The following KSR2 variants were observed in gnomAD, a reference collection of about 807,000 sequenced individuals.
The protein encoded by KSR2 is kinase suppressor of ras 2.
In KSR2, 25 loss-of-function variants were observed where a neutral mutation model predicts 107.8. The ratio of observed to expected loss-of-function variants is 0.23; its 90% CI spans 0.17 to 0.32. The LOEUF (loss-of-function observed/expected upper bound fraction) is 0.32. Ranked by LOEUF, KSR2 falls within the 10% of genes least tolerant of loss-of-function variation. The probability of loss-of-function intolerance (pLI) is 1.00; values close to 1 mark genes in which losing one functional copy is unlikely to be tolerated. For missense variants in KSR2, 887 were observed against 1,268.9 expected (o/e 0.70, Z 4.57); for synonymous variants, 480 against 507.0 (o/e 0.95, Z 0.71).
chr12:117,636,568 G>T (rs1462557511), intron 5 of KSR2, among the ~76,000 whole-genome samples: 4 of 152,132 alleles, frequency 2.6e-5, no homozygotes, highest in Admixed American at 2.6e-4. Context: ...GTAGAGGAAG[G>T]AAGGTTATTC....
chr12:117,581,368 C>G (rs1387379513), intron 6 of KSR2, among the ~76,000 whole-genome samples: 1 of 152,162 alleles, frequency 6.6e-6, no homozygotes, highest in Non-Finnish European at 1.5e-5. Context: ...GTCAGAGCTG[C>G]AACCATGGCA....
At chr12:117,678,810 G>C (rs1885248886) in intron 4 of KSR2, among the ~76,000 whole-genome samples, 1 of 152,240 alleles carries the variant, frequency 6.6e-6, no homozygotes, top group South Asian at 2.1e-4. Flanking sequence ...CTGGATGATG[G>C]TCCTGCTCCC....
chr12:117,789,609 T>C (rs1446978881), intron 3 of KSR2, among the ~76,000 whole-genome samples: 1 of 152,196 alleles, frequency 6.6e-6, no homozygotes, highest in African/African-American at 2.4e-5. Context: ...CACGTTTGGA[T>C]CTTTTTCTTA....
chr12:117,568,956 T>A (rs986560855), intron 7 of KSR2, among the ~76,000 whole-genome samples: 2 of 152,178 alleles, frequency 1.3e-5, no homozygotes, highest in Non-Finnish European at 2.9e-5. Flanking sequence ...TGCTCATAAT[T>A]ATATCCTGCC....
At chr12:117,540,907 G>C (rs1876438993) in intron 9 of KSR2, among the ~76,000 whole-genome samples, 1 of 152,210 alleles carries the variant, frequency 6.6e-6, no homozygotes, top group African/African-American at 2.4e-5. Context: ...AGCAGCACCA[G>C]GAAATTAGTA....
intron 5 of KSR2, among the ~76,000 whole-genome samples, chr12:117,645,764 G>C (rs187017710): frequency 1.1e-4 from 17 of 152,158 alleles, no homozygotes; most frequent in South Asian, 2.1e-4. Context: ...AAATACAGTG[G>C]GTGGAGAAGC....
intron 3 of KSR2, among the ~76,000 whole-genome samples, chr12:117,763,924 C>T (rs974771886): frequency 6.6e-6 from 1 of 152,080 alleles, no homozygotes; most frequent in East Asian, 1.9e-4. Context: ...AAGGTAACCA[C>T]GTGGCCACTT....
At chr12:117,577,846 G>A (rs1052787211) in intron 7 of KSR2, among the ~76,000 whole-genome samples, 1 of 152,064 alleles carries the variant, frequency 6.6e-6, no homozygotes, top group African/African-American at 2.4e-5. Flanking sequence ...ATTTGGGTGG[G>A]GACACAGCCA....
intron 1 of KSR2, among the ~76,000 whole-genome samples, chr12:117,918,645 G>A (rs914542473): frequency 5.3e-5 from 8 of 151,656 alleles, no homozygotes; most frequent in African/African-American, 1.2e-4. Context: ...AAAACTATCC[G>A]GGCGTGGTGG....
chr12:117,945,012 G>A (rs1488450314), intron 1 of KSR2, among the ~76,000 whole-genome samples: 1 of 152,150 alleles, frequency 6.6e-6, no homozygotes, highest in African/African-American at 2.4e-5. Context: ...AACTGACCAA[G>A]AAGACATAAC....
At chr12:117,713,074 G>T (rs987906020) in intron 4 of KSR2, among the ~76,000 whole-genome samples, 5 of 148,898 alleles carry the variant, frequency 3.4e-5, no homozygotes, top group Non-Finnish European at 7.4e-5. Context: ...TACTTATATA[G>T]ATAGATTATA....
At chr12:117,952,479 T>C (rs1170437381) in intron 1 of KSR2, among the ~76,000 whole-genome samples, 1 of 147,294 alleles carries the variant, frequency 6.8e-6, no homozygotes, top group East Asian at 2.1e-4. Flanking sequence ...CAAAACCCCG[T>C]CTCTACAAAT....
chr12:117,479,760 T>G (rs963027044), intron 16 of KSR2, among the ~76,000 whole-genome samples: 34 of 152,298 alleles, frequency 2.2e-4, no homozygotes, highest in Admixed American at 8.5e-4. Context: ...AAACTACTAC[T>G]CAAACTAACT....
At chr12:117,667,775 T>C in intron 4 of KSR2, 117 bp from the exon 5 acceptor site, 5 of 821,564 alleles carry the variant, frequency 6.1e-6, no homozygotes, top group South Asian at 1.9e-5. Flanking sequence ...AGGGAGAAAT[T>C]AGAAGAGCCC....
intron 4 of KSR2, among the ~76,000 whole-genome samples, chr12:117,680,775 CA>C (rs1301378744): frequency 1.3e-5 from 2 of 151,984 alleles, no homozygotes; most frequent in Admixed American, 1.3e-4. Flanking sequence ...GGAGAAAAAA[CA>C]ATGGATATGA....
chr12:117,682,009 G>C (rs35938361), intron 4 of KSR2, among the ~76,000 whole-genome samples: 23,040 of 152,090 alleles, frequency 0.15, 1,895 homozygotes, highest in East Asian at 0.34. Context: ...CAAAGACATG[G>C]AATCAACCCA....
chr12:117,850,835 G>A (rs1234827211), intron 3 of KSR2, among the ~76,000 whole-genome samples: 2 of 151,026 alleles, frequency 1.3e-5, no homozygotes, highest in Non-Finnish European at 2.9e-5. Context: ...CACATGTATT[G>A]AACCATTACT....
intron 18 of KSR2, 94 bp downstream of exon 18, chr12:117,471,097 G>A: frequency 6.7e-7 from 1 of 1,484,282 alleles, no homozygotes; most frequent in East Asian, 2.4e-5. Flanking sequence ...CTATGGGAAA[G>A]CATTTGTAAC....
chr12:117,698,136 T>A lies in KSR2; in HGVS notation c.987-30478A>T, dbSNP rs191733382. Among the ~76,000 whole-genome samples the A allele has an allele frequency of 3.0e-4, 45 of 152,264 alleles. 2 individuals are homozygous for A. Among genetic ancestry groups the A allele is most frequent in the Admixed American group, 2.9e-3 (45 of 15,298 alleles). On this transcript the variant is annotated intron_variant, in intron 4 of 19. Coordinates refer to ENST00000339824, the MANE Select transcript of KSR2 (RefSeq NM_173598.6). ...AGCCCTCAGAAGGAATCAACCCTGC[T>A]CCCACCTTGATTTCAGACTTCTGGC...
Sources: allele counts gnomAD v4.1 joint callset (sites outside exome capture counted in the v4.1 genomes callset), GRCh38; gene constraint gnomAD v4.1.1; transcripts MANE v1.5; gene names NCBI Gene and HGNC (gene_info 2026-07-23, HGNC 2026-07-21).